Variants in CNTNAP2 observed in about 807,000 individuals in gnomAD.
The protein encoded by CNTNAP2 is contactin-associated protein-like 2.
Under a neutral mutation model 155.2 loss-of-function variants are expected in CNTNAP2, and 98 were observed. The observed-to-expected ratio is 0.63, with a 90% CI of 0.54 to 0.75. The LOEUF is 0.75. Among genes scored for constraint, CNTNAP2 ranks in the 30% least tolerant of loss-of-function variants. CNTNAP2 has a pLI of 0.00. For synonymous variants in CNTNAP2, 651 were observed against 631.2 expected, an observed-to-expected ratio of 1.03 and a Z score of -0.47; for missense variants, 1,727 against 1,688.1, an observed-to-expected ratio of 1.02 and a Z score of -0.40.
chr7:146,917,380 C>A (rs1043789231), intron 3 of CNTNAP2, among the ~76,000 whole-genome samples: 1 of 152,070 alleles, frequency 6.6e-6, no homozygotes, highest in African/African-American at 2.4e-5. Flanking sequence ...GTCTTGATAA[C>A]CTGTCCAGTG....
chr7:147,349,978 G>T (rs1188175462), intron 9 of CNTNAP2, among the ~76,000 whole-genome samples: 5 of 151,732 alleles, frequency 3.3e-5, no homozygotes, highest in Admixed American at 2.6e-4. Flanking sequence ...ACATGCCTGG[G>T]CTCTTAAATT....
intron 8 of CNTNAP2, among the ~76,000 whole-genome samples, chr7:147,286,024 A>G (rs1375622757): frequency 6.6e-6 from 1 of 152,080 alleles, no homozygotes; most frequent in African/African-American, 2.4e-5. Flanking sequence ...AAAGCTATTT[A>G]CATATCATTA....
chr7:147,317,800 A>ATATATATATGTG (rs57686568), intron 9 of CNTNAP2, among the ~76,000 whole-genome samples: 75 of 148,610 alleles, frequency 5.0e-4, no homozygotes, highest in African/African-American at 1.2e-3. Context: ...GTGTGTGTGT[A>ATATATATATGTG]TATGTATATA....
chr7:146,196,844 T>A (rs962124320), intron 1 of CNTNAP2, among the ~76,000 whole-genome samples: 4 of 152,188 alleles, frequency 2.6e-5, no homozygotes, highest in Non-Finnish European at 5.9e-5. Context: ...ATTGGAAATT[T>A]CCCAGTTTCT....
At chr7:146,945,029 G>A (rs906904185) in intron 3 of CNTNAP2, among the ~76,000 whole-genome samples, 2 of 152,132 alleles carry the variant, frequency 1.3e-5, no homozygotes, top group Non-Finnish European at 2.9e-5. Flanking sequence ...AACACCTGTT[G>A]CTATAAAAAT....
intron 13 of CNTNAP2, among the ~76,000 whole-genome samples, chr7:147,676,209 A>G (rs1795864350): frequency 6.6e-6 from 1 of 151,996 alleles, no homozygotes; most frequent in African/African-American, 2.4e-5. Context: ...TTTGTTCTAA[A>G]TGAAGAATGT....
chr7:147,558,707 TC>T, intron 11 of CNTNAP2, among the ~76,000 whole-genome samples: 1 of 42,346 alleles, frequency 2.4e-5, no homozygotes, highest in Non-Finnish European at 5.3e-5. Flanking sequence ...TTTCCTTCCT[TC>T]CTTCCTTCCT....
intron 1 of CNTNAP2, among the ~76,000 whole-genome samples, chr7:146,589,731 A>G (rs1030725403): frequency 2.1e-5 from 3 of 143,170 alleles, no homozygotes; most frequent in Non-Finnish European, 4.7e-5. Context: ...CATGTATCCC[A>G]GAATGTAGAG....
chr7:147,070,724 CCTT>C (rs892236016), intron 4 of CNTNAP2, among the ~76,000 whole-genome samples: 2 of 152,134 alleles, frequency 1.3e-5, no homozygotes, highest in African/African-American at 4.8e-5. Flanking sequence ...GTTTTTATGT[CCTT>C]CTTAGAGTAC....
intron 10 of CNTNAP2, among the ~76,000 whole-genome samples, chr7:147,476,889 C>T (rs9632635): frequency 0.23 from 34,213 of 150,232 alleles, 4,425 homozygotes; most frequent in African/African-American, 0.35. Flanking sequence ...GATCATCCCA[C>T]TGCTCTCCGG....
rs563347219 is a variant in CNTNAP2 at position 146,367,771 on chromosome 7, T to C, written c.97+250798T>C. Among the ~76,000 whole-genome samples the C allele has an allele frequency of 4.2e-3, 635 of 152,240 alleles. 5 individuals carry two copies. The highest frequency in any genetic ancestry group is 0.015 in the African/African-American group (608 of 41,570). ...ATTACATCTTCTTCCTTAGTACTAA[T>C]AAAAATTTATATACTATGTATATGA... On this transcript the variant is annotated intron_variant, in intron 1 of 23. Coordinates refer to ENST00000361727, the MANE Select transcript of CNTNAP2 (RefSeq NM_014141.6).
intron 1 of CNTNAP2, among the ~76,000 whole-genome samples, chr7:146,752,710 T>A (rs1397866606): frequency 2.0e-5 from 3 of 152,222 alleles, no homozygotes; most frequent in Non-Finnish European, 4.4e-5. Context: ...ATAACCTGAA[T>A]GGTAATGTCT....
intron 1 of CNTNAP2, among the ~76,000 whole-genome samples, chr7:146,561,509 A>G (rs1047372817): frequency 6.6e-5 from 10 of 152,096 alleles, no homozygotes; most frequent in African/African-American, 2.2e-4. Context: ...AGAAAAAAAA[A>G]TTAGCAGGGC....
At chr7:147,262,375 G>A (rs1179935136) in intron 8 of CNTNAP2, among the ~76,000 whole-genome samples, 2 of 152,172 alleles carry the variant, frequency 1.3e-5, no homozygotes, top group African/African-American at 4.8e-5. Flanking sequence ...CCTAGAATGT[G>A]ACTGTATTTG....
chr7:148,142,467 C>T (rs1215165609), intron 16 of CNTNAP2, among the ~76,000 whole-genome samples: 1 of 152,094 alleles, frequency 6.6e-6, no homozygotes, highest in Non-Finnish European at 1.5e-5. Context: ...ATCTGTTCTA[C>T]CAATTACCAG....
At chr7:146,749,465 G>A (rs1028181946) in intron 1 of CNTNAP2, among the ~76,000 whole-genome samples, 2 of 152,102 alleles carry the variant, frequency 1.3e-5, no homozygotes, top group African/African-American at 4.8e-5. Flanking sequence ...TTAAACTTGT[G>A]TGTATGTTTT....
At position 147,573,960 on chromosome 7, in the gene CNTNAP2, G is replaced by C. The variant is rs1023807251; in HGVS notation, c.1897+11703G>C. On this transcript the variant is annotated intron_variant, in intron 12 of 23. Transcript: ENST00000361727. ...ATCTTGTTTTTGTTCCAGATGTTCT[G>C]AAATTTCAAAACAACGTGACTTGGA... Among the ~76,000 whole-genome samples, 9 of 152,188 alleles carry C rather than the reference G, an allele frequency of 5.9e-5. 1 individual carries two copies. In the South Asian group the frequency reaches 1.9e-3, roughly 32 times the overall value.
In CNTNAP2 at chr7:146,606,050, T is replaced by C. The variant is rs555680632; in HGVS notation, c.98-168221T>C. ...CTCTGATTTACATAGAACATTAATATGTATGTATACATTTTTAGAAGCAGA... is the reference window on the plus strand; with the variant it reads ...CTCTGATTTACATAGAACATTAATACGTATGTATACATTTTTAGAAGCAGA... On this transcript the variant is annotated intron_variant, in intron 1 of 23. Coordinates refer to ENST00000361727, the MANE Select transcript of CNTNAP2 (RefSeq NM_014141.6). Among the ~76,000 whole-genome samples the C allele has an allele frequency of 2.6e-5, 4 of 152,328 alleles. No individual in the cohort carries two copies. In the South Asian group the frequency reaches 8.3e-4, roughly 32 times the overall value.
intron 10 of CNTNAP2, among the ~76,000 whole-genome samples, chr7:147,463,958 TAAAAAAAAA>T (rs34032978): frequency 0.021 from 1,746 of 82,996 alleles, 46 homozygotes; most frequent in Non-Finnish European, 0.023. Flanking sequence ...GCCCCACTAC[TAAAAAAAAA>T]AAAAAAAAAA....
Sources: allele counts gnomAD v4.1 joint callset (sites outside exome capture counted in the v4.1 genomes callset), GRCh38; gene constraint gnomAD v4.1.1; transcripts MANE v1.5; gene names NCBI Gene and HGNC (gene_info 2026-07-23, HGNC 2026-07-21).